Variants in STON2 observed in about 807,000 individuals in gnomAD.
STON2 encodes the protein stonin-2.
A neutral mutation model predicts 65.7 loss-of-function variants in STON2; 29 were observed. The observed-to-expected ratio is 0.44, with a 90% CI of 0.33 to 0.60. The LOEUF is 0.60. Ranked by LOEUF, STON2 falls within the 20% of genes least tolerant of loss-of-function variation. STON2 has a pLI of 0.03. For missense variants in STON2, 1,054 were observed against 1,118.1 expected, an observed-to-expected ratio of 0.94 and a Z score of 0.82; for synonymous variants, 404 against 414.2, an observed-to-expected ratio of 0.98 and a Z score of 0.30.
At position 81,266,451 on chromosome 14, in the gene STON2, T is replaced by C. The variant is rs1431195998; in HGVS notation, c.*1963A>G. On this transcript the variant is annotated 3_prime_UTR_variant, in exon 8 of 8. Transcript: ENST00000614646. ...GGCAGCTATTGTATCATTCCCTCCT[T>C]GTCTGCACTCCCTTTCCAGCTATAC... Among the ~76,000 whole-genome samples, 1 of 152,214 alleles carries C rather than the reference T, an allele frequency of 6.6e-6. No homozygotes were observed. Among genetic ancestry groups the C allele is most frequent in the Non-Finnish European group, 1.5e-5 (1 of 68,034 alleles).
intron 5 of STON2, among the ~76,000 whole-genome samples, chr14:81,285,297 C>T (rs1479069414): frequency 6.6e-6 from 1 of 152,186 alleles, no homozygotes; most frequent in Non-Finnish European, 1.5e-5. Context: ...ATCTGTGATT[C>T]ATGAGAGAAG....
At chr14:81,359,795 C>T (rs901841703) in intron 4 of STON2, among the ~76,000 whole-genome samples, 4 of 152,210 alleles carry the variant, frequency 2.6e-5, no homozygotes, top group Admixed American at 1.3e-4. Flanking sequence ...CAAATGTAAT[C>T]TACCAAGACT....
At chr14:81,342,145 T>C (rs1357431802) in intron 4 of STON2, among the ~76,000 whole-genome samples, 3 of 152,154 alleles carry the variant, frequency 2.0e-5, no homozygotes, top group African/African-American at 7.2e-5. Flanking sequence ...TGGAGTTTTT[T>C]TGTTTTTTTT....
At chr14:81,369,410 A>C (rs897630319) in intron 4 of STON2, among the ~76,000 whole-genome samples, 1 of 152,208 alleles carries the variant, frequency 6.6e-6, no homozygotes, top group East Asian at 1.9e-4. Context: ...CAAGAATTAA[A>C]GCAACTTTCA....
intron 5 of STON2, among the ~76,000 whole-genome samples, chr14:81,316,280 TCGC>T (rs558008995): frequency 3.3e-5 from 5 of 152,184 alleles, no homozygotes; most frequent in African/African-American, 4.8e-5. Flanking sequence ...AATAGTCTCC[TCGC>T]CGTCTATTTC....
intron 5 of STON2, among the ~76,000 whole-genome samples, chr14:81,314,685 C>T (rs1896555138): frequency 6.6e-6 from 1 of 152,214 alleles, no homozygotes; most frequent in Admixed American, 6.5e-5. Context: ...CTGCCACTTA[C>T]AGAGATCACA....
chr14:81,288,015 G>A (rs1487120124), intron 5 of STON2, among the ~76,000 whole-genome samples: 1 of 152,128 alleles, frequency 6.6e-6, no homozygotes, highest in South Asian at 2.1e-4. Context: ...CCGAGGGCAG[G>A]GATAGATTCT....
intron 2 of STON2, among the ~76,000 whole-genome samples, chr14:81,422,818 G>A (rs1901771069): frequency 1.3e-5 from 2 of 152,144 alleles, no homozygotes; most frequent in Non-Finnish European, 1.5e-5. Flanking sequence ...CAGATCACGA[G>A]GTCAGGAGTT....
At chr14:81,419,116 T>C (rs1901581508) in intron 2 of STON2, among the ~76,000 whole-genome samples, 2 of 152,196 alleles carry the variant, frequency 1.3e-5, no homozygotes, top group Non-Finnish European at 2.9e-5. Context: ...ATCATTCTCA[T>C]ATTGTATTTT....
intron 5 of STON2, chr14:81,323,533 G>T (rs145876486): frequency 6.6e-6 from 1 of 152,056 alleles, no homozygotes; most frequent in African/African-American, 2.4e-5. Context: ...ACCCCACCTT[G>T]CATCTTCCGT....
At chr14:81,367,894 G>A (rs1441857389) in intron 4 of STON2, among the ~76,000 whole-genome samples, 1 of 152,192 alleles carries the variant, frequency 6.6e-6, no homozygotes, top group Non-Finnish European at 1.5e-5. Flanking sequence ...CTGGGTCCTA[G>A]CTTAATTACT....
In STON2 at chr14:81,343,987, T is replaced by C. The variant is rs992493390; in HGVS notation, c.572-19800A>G. On this transcript the variant is annotated intron_variant, in intron 4 of 7. Transcript: ENST00000614646. ...TTTCCATTATACTATACCTATGTCCTGTAAAGAATACGGAACTAGCATTAT... is the reference window on the plus strand; with the variant it reads ...TTTCCATTATACTATACCTATGTCCCGTAAAGAATACGGAACTAGCATTAT... Among the ~76,000 whole-genome samples the C allele has an allele frequency of 9.9e-5, 15 of 152,186 alleles. No individual in the cohort carries two copies. The East Asian group carries it at 2.9e-3, about 29-fold the overall frequency.
intron 5 of STON2, among the ~76,000 whole-genome samples, chr14:81,295,040 T>C (rs567614174): frequency 1.3e-5 from 2 of 152,050 alleles, no homozygotes; most frequent in Non-Finnish European, 2.9e-5. Context: ...TAGAAGATCA[T>C]AGGGCCGGGC....
chr14:81,377,896 G>A (rs1899328359), intron 3 of STON2, among the ~76,000 whole-genome samples: 1 of 150,372 alleles, frequency 6.7e-6, no homozygotes, highest in South Asian at 2.1e-4. Context: ...TGCCCAGGCT[G>A]GAGTGCAATG....
intron 5 of STON2, among the ~76,000 whole-genome samples, chr14:81,308,204 T>C (rs1896258722): frequency 6.6e-6 from 1 of 152,002 alleles, no homozygotes; most frequent in African/African-American, 2.4e-5. Flanking sequence ...GACTCAGAAA[T>C]TATTATTATT....
Position 81,278,334 on chromosome 14 carries a change from G to A in STON2, c.1148C>T (p.Ser383Phe), listed in dbSNP as rs759904495. 3.7e-6 allele frequency: 6 copies of A among 1,614,228 alleles called. No homozygotes were observed. Among genetic ancestry groups the A allele is most frequent in the Non-Finnish European group, 5.1e-6 (6 of 1,180,036 alleles). Reference protein sequence around the residue: ...LNETLQDVQPSPINPFSAFFE... With the variant: ...LNETLQDVQPFPINPFSAFFE... ...GAAAGCACTGAAAGGGTTGATAGGG[G>A]AGGGCTGTACATCCTGCAGAGTCTC... Residue 383 changes from serine (S) to phenylalanine (F), a missense_variant, in exon 6 of 8, where the codon TCC becomes TTC. By Grantham distance (155) the Ser-to-Phe change is radical. Transcript: ENST00000614646.
At chr14:81,275,497 G>A (rs1035438328) in intron 6 of STON2, among the ~76,000 whole-genome samples, 6 of 152,052 alleles carry the variant, frequency 3.9e-5, no homozygotes, top group African/African-American at 1.2e-4. Context: ...GGAGAGTTCA[G>A]GGTTTTCTCT....
At chr14:81,406,971 T>C (rs1353809477) in intron 2 of STON2, among the ~76,000 whole-genome samples, 3 of 152,172 alleles carry the variant, frequency 2.0e-5, no homozygotes, top group Non-Finnish European at 4.4e-5. Context: ...CTGATCTCTG[T>C]TTTCTTAGCT....
chr14:81,364,955 A>T (rs1898654730), intron 4 of STON2, among the ~76,000 whole-genome samples: 1 of 152,194 alleles, frequency 6.6e-6, no homozygotes, highest in South Asian at 2.1e-4. Context: ...TGCTGAGCTA[A>T]TGAATCCTGG....
Sources: gnomAD v4.1 joint callset for allele counts (sites outside exome capture counted in the v4.1 genomes callset) on GRCh38, gnomAD v4.1.1 for gene constraint, MANE v1.5 for transcripts, NCBI Gene and HGNC (gene_info 2026-07-23, HGNC 2026-07-21) for gene names.